Variants in IFT122 observed in about 807,000 individuals in gnomAD.
IFT122 encodes the protein intraflagellar transport 122.
A neutral mutation model predicts 161.6 loss-of-function variants in IFT122; 118 were observed. The observed-to-expected ratio is 0.73, with a 90% CI of 0.63 to 0.85. The LOEUF (loss-of-function observed/expected upper bound fraction) is 0.85. Ranked by LOEUF, IFT122 falls within the 40% of genes least tolerant of loss-of-function variation. The pLI is 0.00. For synonymous variants in IFT122, 550 were observed against 602.4 expected (o/e 0.91, Z 1.27); for missense variants, 1,381 against 1,579.6 (o/e 0.87, Z 2.13).
intron 22 of IFT122, among the ~76,000 whole-genome samples, chr3:129,507,010 AAGG>A (rs2082257866): frequency 6.6e-6 from 1 of 152,212 alleles, no homozygotes; most frequent in Non-Finnish European, 1.5e-5. Context: ...TGGAAGAGAC[AAGG>A]AGATGTTCTT....
intron 5 of IFT122, among the ~76,000 whole-genome samples, chr3:129,461,826 G>A (rs376543459): frequency 7.9e-5 from 12 of 152,190 alleles, no homozygotes; most frequent in African/African-American, 1.9e-4. Context: ...CCACGGTCCC[G>A]TGCCAGCATT....
At position 129,499,605 on chromosome 3, in the gene IFT122, G is replaced by C. The variant is rs4441648; in HGVS notation, c.2209-297G>C. Among the ~76,000 whole-genome samples, 20,150 of 152,188 alleles carry C rather than the reference G, an allele frequency of 0.13. 1,688 individuals are homozygous for C. The highest frequency in any genetic ancestry group is 0.24 in the South Asian group (1,163 of 4,824). ...CATGTGCAGTGCCCCAAATAGTCTA[G>C]AAAGTGTTGTTTAGCCGATGAACAA... On this transcript the variant is annotated intron_variant, in intron 18 of 29. Coordinates refer to ENST00000348417, the MANE Select transcript of IFT122 (RefSeq NM_052989.3).
chr3:129,489,712 G>A (rs1278759997), intron 16 of IFT122, among the ~76,000 whole-genome samples: 51 of 152,006 alleles, frequency 3.4e-4, no homozygotes, highest in Non-Finnish European at 5.6e-4. Flanking sequence ...GGTGGCAGGC[G>A]CCTGTAGTCC....
At chr3:129,446,455 T>C (rs1267128430) in intron 1 of IFT122, among the ~76,000 whole-genome samples, 1 of 152,088 alleles carries the variant, frequency 6.6e-6, no homozygotes, top group Non-Finnish European at 1.5e-5. Context: ...GACCTCATGA[T>C]CCACCCACCT....
chr3:129,486,883 C>T (rs1433690159), intron 15 of IFT122, among the ~76,000 whole-genome samples: 2 of 152,182 alleles, frequency 1.3e-5, no homozygotes, highest in South Asian at 2.1e-4. Flanking sequence ...TTCTAGGTCA[C>T]CTGCTCCGTA....
intron 1 of IFT122, among the ~76,000 whole-genome samples, chr3:129,446,831 T>G (rs909796404): frequency 6.6e-6 from 1 of 152,348 alleles, no homozygotes; most frequent in East Asian, 1.9e-4. Context: ...GTTTATCCCA[T>G]GCTAAACTTT....
intron 9 of IFT122, chr3:129,476,054 A>C (rs2077904195): frequency 3.8e-6 from 2 of 521,530 alleles, no homozygotes; most frequent in Admixed American, 3.2e-5. Flanking sequence ...ACACTCCTGC[A>C]CTCCTGGAGC....
intron 12 of IFT122, 151 bp from the exon 13 acceptor site, chr3:129,479,634 C>T (rs1441721126): frequency 5.3e-6 from 5 of 947,864 alleles, no homozygotes; most frequent in East Asian, 5.0e-5. Context: ...CTTGGATTAA[C>T]GATGCCAATC....
At position 129,478,132 on chromosome 3, in the gene IFT122, A is replaced by G. The variant is rs752835806; in HGVS notation, c.1264A>G (p.Met422Val). 1.2e-6 allele frequency: 2 copies of G among 1,614,234 alleles called. No individual in the cohort carries two copies. Among genetic ancestry groups the G allele is most frequent in the South Asian group, 1.1e-5 (1 of 91,088 alleles). ...GTTGTATTCAGAGGACTTATCAGAC[A>G]TGCATTACCGGGTAAAGGAGAAGAT... Reference protein sequence around the residue: ...YELYSEDLSDMHYRVKEKIIK... With the variant: ...YELYSEDLSDVHYRVKEKIIK... Residue 422 changes from methionine to valine, a missense_variant, in exon 12 of 30, where the codon ATG becomes GTG. By Grantham distance (21) the Met-to-Val change is conservative. Around this residue, in one of 7 missense-constraint regions of IFT122, gnomAD observed 544 missense variants for 648.0 expected, o/e 0.84. Transcript: ENST00000348417.
chr3:129,441,432 CGTT>C (rs1266683835), intron 1 of IFT122, among the ~76,000 whole-genome samples: 2 of 152,076 alleles, frequency 1.3e-5, no homozygotes, highest in African/African-American at 2.4e-5. Context: ...TCCTTTATCT[CGTT>C]GTGTCTTCAC....
At chr3:129,517,649 A>G (rs1295334425) in intron 27 of IFT122, 55 bp downstream of exon 27, 18 of 1,599,456 alleles carry the variant, frequency 1.1e-5, no homozygotes, top group Admixed American at 1.7e-5. Context: ...GGGTCTGGGG[A>G]CAGGCGGGAA....
At chr3:129,515,174 C>T (rs947635779) in intron 25 of IFT122, 13 of 511,340 alleles carry the variant, frequency 2.5e-5, no homozygotes, top group Admixed American at 6.5e-5. Flanking sequence ...GCACGGTGCC[C>T]GGAGCATGGT....
chr3:129,476,181 A>G, intron 9 of IFT122, 134 bp from the exon 10 acceptor site: 1 of 899,424 alleles, frequency 1.1e-6, no homozygotes, highest in Non-Finnish European at 1.8e-6. Context: ...GGGATGACAC[A>G]GGAGAAAAGG....
At chr3:129,458,770 T>C in intron 4 of IFT122, 93 bp downstream of exon 4, 1 of 936,218 alleles carries the variant, frequency 1.1e-6, no homozygotes, top group Non-Finnish European at 1.7e-6. Flanking sequence ...GAAAACTTTT[T>C]TCTCTTAAAT....
intron 18 of IFT122, among the ~76,000 whole-genome samples, chr3:129,496,878 C>T (rs1388437881): frequency 6.6e-6 from 1 of 152,176 alleles, no homozygotes; most frequent in Non-Finnish European, 1.5e-5. Context: ...CCGGGGATAA[C>T]AAAATTTTAA....
At chr3:129,503,075 T>C (rs761282246) in intron 20 of IFT122, among the ~76,000 whole-genome samples, 193 bp downstream of exon 20, 13 of 152,150 alleles carry the variant, frequency 8.5e-5, no homozygotes, top group Admixed American at 5.2e-4. Flanking sequence ...TTTCCACTTG[T>C]CCCTTCATTC....
At chr3:129,476,823 T>C in intron 11 of IFT122, 22 bp downstream of exon 11, 2 of 1,613,862 alleles carry the variant, frequency 1.2e-6, no homozygotes, top group Non-Finnish European at 1.7e-6. Flanking sequence ...GTCCAGACCT[T>C]GGGAAGAGGG....
At chr3:129,514,766 C>G in intron 25 of IFT122, 1 of 655,054 alleles carries the variant, frequency 1.5e-6, no homozygotes. Flanking sequence ...CCGCTCACAG[C>G]CCCCGGCCCC....
In IFT122 at chr3:129,449,902, A is replaced by G; in HGVS notation, c.73A>G (p.Thr25Ala). ...TGACATCGCATTTAAGCCTGATGGA[A>G]CTCAACTGATTTTGGCTGCCGGAAG... Reference protein sequence around the residue: ...INDIAFKPDGTQLILAAGSRL... With the variant: ...INDIAFKPDGAQLILAAGSRL... Residue 25 changes from threonine to alanine, a missense_variant, in exon 2 of 30, where the codon ACT (threonine) becomes GCT (alanine). By Grantham distance (58) the Thr-to-Ala change is moderately conservative (BLOSUM62 0). This residue lies in a region of IFT122 where 134 missense variants were observed against 137.4 expected (regional missense o/e 0.98). Transcript: ENST00000348417. 6.2e-7 allele frequency: 1 copy of G among 1,613,402 alleles called. No individual in the cohort carries two copies. The highest frequency in any genetic ancestry group is 2.2e-5 in the East Asian group (1 of 44,858).
Sources: allele counts gnomAD v4.1 joint callset (sites outside exome capture counted in the v4.1 genomes callset), GRCh38; gene constraint gnomAD v4.1.1; regional missense constraint gnomAD v4.1.1; transcripts MANE v1.5; gene names NCBI Gene and HGNC (gene_info 2026-07-23, HGNC 2026-07-21).